WIPI2: variants seen among roughly 807,000 people sequenced by gnomAD.
WIPI2 encodes the protein WD repeat domain phosphoinositide-interacting protein 2.
In WIPI2, 28 loss-of-function variants were observed where a neutral mutation model predicts 52.3. That is an observed-to-expected ratio of 0.54 (90% CI 0.40 to 0.73). The LOEUF is 0.73. Among genes scored for constraint, WIPI2 ranks in the 30% least tolerant of loss-of-function variants. The pLI is 0.00. For synonymous variants in WIPI2, 268 were observed against 245.0 expected, an observed-to-expected ratio of 1.09 and a Z score of -0.88; for missense variants, 506 against 602.9, an observed-to-expected ratio of 0.84 and a Z score of 1.68.
intron 5 of WIPI2, chr7:5,216,880 A>C: frequency 1.4e-6 from 1 of 702,580 alleles, no homozygotes; most frequent in Non-Finnish European, 2.3e-6. Context: ...GATCAGTTCA[A>C]ACCAAAGGCC....
rs566655976 is a variant in WIPI2 at position 5,227,952 on chromosome 7, G to T, written c.1014-152G>T. Reference sequence around the variant, plus strand: ...CACGAGTGCAGCCTTGGCCGTGTGAGCCGAGGTCAGTGGGGCGCCAGACAC... The same window carrying T: ...CACGAGTGCAGCCTTGGCCGTGTGATCCGAGGTCAGTGGGGCGCCAGACAC... On this transcript the variant is annotated intron_variant, in intron 10 of 12. Coordinates refer to ENST00000288828, the MANE Select transcript of WIPI2 (RefSeq NM_015610.4). This position sits in a 1 kb window ranked among gnomAD's most constrained non-coding sequence, Gnocchi z 8.1. 8.1e-5 allele frequency: 60 copies of T among 744,954 alleles called. No homozygotes were observed. The highest frequency in any genetic ancestry group is 1.3e-4 in the Non-Finnish European group (55 of 430,052). 46.1% of individuals were successfully genotyped at this position (744,954 alleles called of 1,614,324 possible).
chr7:5,213,583 A>G (rs1236734210), intron 3 of WIPI2, among the ~76,000 whole-genome samples: 4 of 152,248 alleles, frequency 2.6e-5, no homozygotes, highest in African/African-American at 9.6e-5. Context: ...CACAGGCCAC[A>G]GCATACAGCC....
At chr7:5,194,354 T>C (rs924834329) in intron 2 of WIPI2, among the ~76,000 whole-genome samples, 3 of 152,214 alleles carry the variant, frequency 2.0e-5, no homozygotes, top group Non-Finnish European at 4.4e-5. Flanking sequence ...CAATCAAGTA[T>C]GGCTTCTCCG....
In WIPI2 at chr7:5,222,607, C is replaced by T. The variant is rs138439094; in HGVS notation, c.675C>T (p.Thr225=). ...TTTCTCTTTTCCTTCCACAGGGGACCGTGATTAGGGTATTTTCCATTCCAG... is the reference window on the plus strand; with the variant it reads ...TTTCTCTTTTCCTTCCACAGGGGACTGTGATTAGGGTATTTTCCATTCCAG... ...TKLATASEKG[T]VIRVFSIPEG... is the part of the protein sequence containing the mutation. The change falls in exon 8 of 13, where the codon ACC becomes ACT. Residue 225 remains threonine (T), a synonymous_variant. Coordinates refer to ENST00000288828, the MANE Select transcript of WIPI2 (RefSeq NM_015610.4). 9.1e-5 allele frequency: 147 copies of T among 1,613,608 alleles called. No homozygotes were observed. The Middle Eastern group carries it at 1.8e-3, about 20-fold the overall frequency.
At chr7:5,217,771 C>T (rs1165337263) in intron 6 of WIPI2, 151 bp from the exon 7 acceptor site, 1 of 733,458 alleles carries the variant, frequency 1.4e-6, no homozygotes, top group African/African-American at 1.8e-5. Flanking sequence ...CCTTGGATGC[C>T]CAGCCCCAGT....
intron 8 of WIPI2, 21 bp downstream of exon 8, chr7:5,222,693 G>C (rs375083613): frequency 6.2e-7 from 1 of 1,606,466 alleles, no homozygotes; most frequent in African/African-American, 1.3e-5. Flanking sequence ...TGAATGTCCA[G>C]AATGGATTCT....
Position 5,197,111 on chromosome 7 carries a change from C to CAAAAAAAAAAAAAAAAAAA in WIPI2, c.129-2459_129-2458insAAAAAAAAAAAAAAAAAAA, listed in dbSNP as rs1562384541. Among the ~76,000 whole-genome samples the CAAAAAAAAAAAAAAAAAAA allele has an allele frequency of 1.9e-4, 11 of 56,428 alleles. 5 individuals carry two copies. Among genetic ancestry groups the CAAAAAAAAAAAAAAAAAAA allele is most frequent in the Non-Finnish European group, 2.1e-4 (7 of 33,978 alleles). The allele number at this position is 56,428 out of a possible 152,430, so 37.0% of individuals were successfully genotyped here. A position where few individuals can be genotyped will look rare whatever the true frequency, so the allele number is the denominator to read the frequency against. ...TGCATGACAGAGCGGGACTCCGTCT[C>CAAAAAAAAAAAAAAAAAAA]AAAAAACAAAAAAAAAAAAAAAAAA... On this transcript the variant is annotated intron_variant, in intron 2 of 12. Coordinates refer to ENST00000288828, the MANE Select transcript of WIPI2 (RefSeq NM_015610.4).
rs377323547 is a variant in WIPI2 at position 5,190,385 on chromosome 7, C to T, written c.-35C>T. 1.3e-5 allele frequency: 17 copies of T among 1,331,296 alleles called. 1 individual carries two copies. In the East Asian group the frequency reaches 4.8e-4, roughly 38 times the overall value. 82.5% of individuals were successfully genotyped at this position (1,331,296 alleles called of 1,614,324 possible). The stretch of plus-strand genomic sequence containing the variant: ...CCTGACCCGCCCTCGCGCGCGCGCC[C>T]TCCCCGGCCGGGCCCACTCGCCGCG... On this transcript the variant is annotated 5_prime_UTR_variant, in exon 1 of 13. Transcript: ENST00000288828.
At position 5,207,789 on chromosome 7, in the gene WIPI2, TGA is replaced by T. The variant is rs200575259; in HGVS notation, c.212-6740_212-6739del. Among the ~76,000 whole-genome samples the T allele has an allele frequency of 6.7e-4, 98 of 147,162 alleles. 1 individual carries two copies. The highest frequency in any genetic ancestry group is 3.6e-3 in the Middle Eastern group (1 of 276). ...CTAACTTTTTTTTTTTTTTTTTTTT[TGA>T]GAGAGTCTCTGTCGCCCAGGCTGGA... is the stretch of plus-strand genomic sequence containing the variant. On this transcript the variant is annotated intron_variant, in intron 3 of 12. Coordinates refer to ENST00000288828, the MANE Select transcript of WIPI2 (RefSeq NM_015610.4).
intron 7 of WIPI2, among the ~76,000 whole-genome samples, chr7:5,221,663 G>C (rs1180598134): frequency 6.6e-6 from 1 of 152,172 alleles, no homozygotes; most frequent in Non-Finnish European, 1.5e-5. Flanking sequence ...CCACAGATCT[G>C]ATATTAACTT....
At chr7:5,203,649 T>TTTC (rs1481361064) in intron 3 of WIPI2, among the ~76,000 whole-genome samples, 1 of 148,754 alleles carries the variant, frequency 6.7e-6, no homozygotes, top group East Asian at 2.0e-4. Context: ...TTTTTTTTTT[T>TTTC]TGAGACGGAG....
Position 5,227,666 on chromosome 7 carries a change from C to T in WIPI2, c.1013+322C>T, listed in dbSNP as rs1257571121. Among the ~76,000 whole-genome samples, 4 of 152,220 alleles carry T rather than the reference C, an allele frequency of 2.6e-5. No homozygotes were observed. Among genetic ancestry groups the T allele is most frequent in the Non-Finnish European group, 5.9e-5 (4 of 68,032 alleles). On this transcript the variant is annotated intron_variant, in intron 10 of 12. Coordinates refer to ENST00000288828, the MANE Select transcript of WIPI2 (RefSeq NM_015610.4). This position sits in a 1 kb window ranked among gnomAD's most constrained non-coding sequence, Gnocchi z 8.1. ...GAAACCGCACTTGCCGAGTCTCAGG[C>T]ATCCGTCCGGCTCCAGGGTCTGGCC...
chr7:5,210,967 C>T (rs1053518090), intron 3 of WIPI2, among the ~76,000 whole-genome samples: 6 of 152,192 alleles, frequency 3.9e-5, no homozygotes, highest in African/African-American at 1.4e-4. Flanking sequence ...GGGTACATCC[C>T]AGGCTGCTTG....
intron 7 of WIPI2, among the ~76,000 whole-genome samples, chr7:5,220,738 A>G (rs1055866586): frequency 7.2e-5 from 11 of 151,874 alleles, no homozygotes; most frequent in African/African-American, 1.9e-4. Context: ...GGCCTCCCCA[A>G]GTGCTGGGAT....
chr7:5,230,003 G>A lies in WIPI2; in HGVS notation c.1252+265G>A. ...CAGGGTGGTCTCAAACTCCTCCTGG[G>A]CTCAAGTGATTCTCCCGCCTCAGCC... On this transcript the variant is annotated intron_variant, in intron 12 of 12. Coordinates refer to ENST00000288828, the MANE Select transcript of WIPI2 (RefSeq NM_015610.4). The surrounding 1 kb of genome is among the most constrained non-coding windows in gnomAD (Gnocchi z 4.8). Among the ~76,000 whole-genome samples the A allele has an allele frequency of 6.6e-6, 1 of 150,910 alleles. No individual in the cohort carries two copies. Among genetic ancestry groups the A allele is most frequent in the East Asian group, 2.0e-4 (1 of 5,118 alleles).
chr7:5,208,306 C>T (rs1050580209), intron 3 of WIPI2, among the ~76,000 whole-genome samples: 1 of 151,900 alleles, frequency 6.6e-6, no homozygotes, highest in Non-Finnish European at 1.5e-5. Flanking sequence ...TTTAGATATT[C>T]TGGATACCAG....
chr7:5,193,337 T>C, intron 2 of WIPI2, 166 bp downstream of exon 2: 1 of 1,431,524 alleles, frequency 7.0e-7, no homozygotes, highest in South Asian at 1.6e-5. Flanking sequence ...ATACCACAGC[T>C]TGTGGGAAGT....
intron 9 of WIPI2, chr7:5,226,659 A>G (rs1244723239): frequency 6.5e-6 from 1 of 152,914 alleles, no homozygotes; most frequent in Non-Finnish European, 1.5e-5. Flanking sequence ...CACTCAGACC[A>G]GCGTTAACAA....
intron 3 of WIPI2, among the ~76,000 whole-genome samples, chr7:5,206,647 A>G (rs1259333987): frequency 2.0e-5 from 3 of 152,222 alleles, no homozygotes; most frequent in Admixed American, 6.5e-5. Flanking sequence ...GAAATTTTCA[A>G]ACTGAAAAGT....
Sources: allele counts gnomAD v4.1 joint callset (sites outside exome capture counted in the v4.1 genomes callset), GRCh38; gene constraint gnomAD v4.1.1; non-coding constraint Gnocchi (gnomAD v3.1); transcripts MANE v1.5; gene names NCBI Gene and HGNC (gene_info 2026-07-23, HGNC 2026-07-21).